FCHSD2: variants seen among roughly 807,000 people sequenced by gnomAD.
The protein encoded by FCHSD2 is F-BAR and double SH3 domains protein 2.
In FCHSD2, 38 loss-of-function variants were observed where a neutral mutation model predicts 108.1. That is an observed-to-expected ratio of 0.35 (90% CI 0.27 to 0.46). FCHSD2 has a LOEUF of 0.46. Among genes scored for constraint, FCHSD2 ranks in the 20% least tolerant of loss-of-function variants. FCHSD2 has a pLI of 1.00. For missense variants in FCHSD2, 751 were observed against 897.8 expected, an observed-to-expected ratio of 0.84 and a Z score of 2.09; for synonymous variants, 279 against 314.7, an observed-to-expected ratio of 0.89 and a Z score of 1.20.
chr11:73,054,643 G>T (rs185156277), intron 3 of FCHSD2, among the ~76,000 whole-genome samples: 1 of 151,726 alleles, frequency 6.6e-6, no homozygotes. Flanking sequence ...ACAAACAGAG[G>T]GGGTGGAGGA....
intron 2 of FCHSD2, among the ~76,000 whole-genome samples, chr11:73,089,322 A>G (rs564787214): frequency 6.6e-6 from 1 of 152,342 alleles, no homozygotes; most frequent in East Asian, 1.9e-4. Flanking sequence ...CAGAACTCTC[A>G]TAGCGTTAGT....
At chr11:73,021,914 T>TA (rs1165738513) in intron 3 of FCHSD2, among the ~76,000 whole-genome samples, 1 of 151,418 alleles carries the variant, frequency 6.6e-6, no homozygotes, top group Non-Finnish European at 1.5e-5. Flanking sequence ...CTGTAAATAA[T>TA]AAAAAAAATT....
At chr11:72,957,352 A>G (rs1286677723) in intron 8 of FCHSD2, among the ~76,000 whole-genome samples, 1 of 151,000 alleles carries the variant, frequency 6.6e-6, no homozygotes, top group Non-Finnish European at 1.5e-5. Context: ...GTCCCTATAA[A>G]GGACATGAAC....
chr11:72,889,512 C>T (rs1307113619), intron 11 of FCHSD2, among the ~76,000 whole-genome samples: 1 of 152,026 alleles, frequency 6.6e-6, no homozygotes, highest in African/African-American at 2.4e-5. Context: ...GAGTTTGAGA[C>T]CAGCCTGGGA....
intron 3 of FCHSD2, among the ~76,000 whole-genome samples, chr11:73,036,149 T>C (rs1858491389): frequency 6.6e-6 from 1 of 152,154 alleles, no homozygotes; most frequent in South Asian, 2.1e-4. Flanking sequence ...GTAGTAAAAC[T>C]GGGATTAGAA....
At chr11:73,137,805 G>A (rs1292443473) in intron 2 of FCHSD2, among the ~76,000 whole-genome samples, 1 of 152,176 alleles carries the variant, frequency 6.6e-6, no homozygotes, top group Non-Finnish European at 1.5e-5. Flanking sequence ...GACCAGAGCA[G>A]GGGGAAGAAA....
chr11:73,024,101 A>T (rs969409617), intron 3 of FCHSD2, among the ~76,000 whole-genome samples: 2 of 152,160 alleles, frequency 1.3e-5, no homozygotes, highest in African/African-American at 4.8e-5. Context: ...AAACCCAAAG[A>T]ACTTTGACAA....
At chr11:72,867,090 CAAATA>C (rs1233454853) in intron 13 of FCHSD2, among the ~76,000 whole-genome samples, 2 of 152,082 alleles carry the variant, frequency 1.3e-5, no homozygotes, top group Non-Finnish European at 2.9e-5. Context: ...CAAAAGAAAA[CAAATA>C]AAGAAGGCAA....
At chr11:73,077,232 TA>T (rs536552479) in intron 3 of FCHSD2, among the ~76,000 whole-genome samples, 8 of 151,020 alleles carry the variant, frequency 5.3e-5, no homozygotes, top group South Asian at 2.1e-4. Context: ...CAACCCAATT[TA>T]AAAAAAAATC....
At chr11:73,081,279 C>G (rs1486670111) in intron 3 of FCHSD2, among the ~76,000 whole-genome samples, 1 of 151,712 alleles carries the variant, frequency 6.6e-6, no homozygotes, top group African/African-American at 2.4e-5. Flanking sequence ...ACTAAAAATA[C>G]AAAAATTAGA....
rs187577629 is a variant in FCHSD2 at position 72,946,088 on chromosome 11, C to T, written c.706-24138G>A. ...TATAAATCATGCTGCTATAAAGACA[C>T]ATGCATACATATGTTTATTGTGGCA... is the stretch of plus-strand genomic sequence containing the variant. On this transcript the variant is annotated intron_variant, in intron 8 of 19. Coordinates refer to ENST00000409418, the MANE Select transcript of FCHSD2 (RefSeq NM_014824.3). Among the ~76,000 whole-genome samples the T allele has an allele frequency of 7.2e-5, 11 of 152,248 alleles. No homozygotes were observed. In the East Asian group the frequency reaches 1.5e-3, roughly 21 times the overall value.
intron 4 of FCHSD2, among the ~76,000 whole-genome samples, chr11:73,002,250 C>A (rs1857640294): frequency 1.3e-5 from 2 of 152,136 alleles, no homozygotes; most frequent in African/African-American, 4.8e-5. Context: ...GGTTTTCAAC[C>A]ATGGAGTCTT....
chr11:73,127,900 A>G (rs748577324), intron 2 of FCHSD2, among the ~76,000 whole-genome samples: 11 of 151,922 alleles, frequency 7.2e-5, no homozygotes, highest in Non-Finnish European at 1.3e-4. Context: ...GTTTGAGACC[A>G]GCCTGGCCAA....
At chr11:73,052,703 T>A (rs1243549746) in intron 3 of FCHSD2, among the ~76,000 whole-genome samples, 1 of 152,214 alleles carries the variant, frequency 6.6e-6, no homozygotes, top group African/African-American at 2.4e-5. Context: ...TCATCTTATA[T>A]ATTCGGTATT....
chr11:72,951,496 A>G (rs536231730), intron 8 of FCHSD2, among the ~76,000 whole-genome samples: 21 of 152,332 alleles, frequency 1.4e-4, no homozygotes, highest in African/African-American at 4.8e-4. Flanking sequence ...CATTTAGCTC[A>G]ATAAATGTTT....
chr11:73,015,476 CAAT>C (rs1857950838), intron 4 of FCHSD2, among the ~76,000 whole-genome samples: 1 of 152,068 alleles, frequency 6.6e-6, no homozygotes, highest in Non-Finnish European at 1.5e-5. Flanking sequence ...ATCACCGTCA[CAAT>C]AATGTGTTTC....
rs17131810 is a variant in FCHSD2 at position 72,988,541 on chromosome 11, T to C, written c.521+423A>G. Among the ~76,000 whole-genome samples, 1,383 of 152,306 alleles carry C rather than the reference T, an allele frequency of 9.1e-3. 22 individuals are homozygous for C. The highest frequency in any genetic ancestry group is 0.03 in the African/African-American group (1,257 of 41,546). ...CATGGAGGTCAGTGCTTTTGTTCAC[T>C]TGATGTGTTCATGGACCTTCAGTGG... On this transcript the variant is annotated intron_variant, in intron 6 of 19. Coordinates refer to ENST00000409418, the MANE Select transcript of FCHSD2 (RefSeq NM_014824.3).
At chr11:72,961,250 G>T (rs1290046350) in intron 8 of FCHSD2, among the ~76,000 whole-genome samples, 1 of 151,962 alleles carries the variant, frequency 6.6e-6, no homozygotes, top group Non-Finnish European at 1.5e-5. Flanking sequence ...TTTGTTTTTT[G>T]AGACAGAGTC....
chr11:73,019,475 TTTG>T (rs1203247880), intron 3 of FCHSD2, among the ~76,000 whole-genome samples: 7 of 152,336 alleles, frequency 4.6e-5, no homozygotes, highest in African/African-American at 1.7e-4. Flanking sequence ...ATGAAATTAA[TTTG>T]TTAACTTTGT....
Sources: allele counts gnomAD v4.1 joint callset (sites outside exome capture counted in the v4.1 genomes callset), GRCh38; gene constraint gnomAD v4.1.1; transcripts MANE v1.5; gene names NCBI Gene and HGNC (gene_info 2026-07-23, HGNC 2026-07-21).